Variants in ERLIN2 observed in about 807,000 individuals in gnomAD.
ERLIN2 encodes erlin-2.
In ERLIN2, 22 loss-of-function variants were observed where a neutral mutation model predicts 41.5. That is an observed-to-expected ratio of 0.53 (90% CI 0.38 to 0.76). The LOEUF (loss-of-function observed/expected upper bound fraction) is 0.76, where lower values mean the gene tolerates loss of function less well. ERLIN2 is among the 30% of genes least tolerant of loss of function. The pLI, the probability that ERLIN2 is intolerant of heterozygous loss-of-function variation, is 0.00. For synonymous variants in ERLIN2, 149 were observed against 150.9 expected (o/e 0.99, Z 0.09); for missense variants, 247 against 414.3 (o/e 0.60, Z 3.51).
chr8:37,737,073 C>T (rs746103240), intron 1 of ERLIN2: 16 of 785,860 alleles, frequency 2.0e-5, no homozygotes, highest in Non-Finnish European at 2.5e-5. Flanking sequence ...AGAATCCACG[C>T]CCTGCGCTCA....
At chr8:37,749,454 A>G (rs1554517306) in intron 6 of ERLIN2, 105 bp from the exon 7 acceptor site, 2 of 818,606 alleles carry the variant, frequency 2.4e-6, no homozygotes, top group South Asian at 1.4e-5. Context: ...CCCTTGGGAA[A>G]GTACATTCTT....
chr8:37,751,838 G>A (rs1264121852), intron 10 of ERLIN2, 123 bp downstream of exon 10: 5 of 769,882 alleles, frequency 6.5e-6, no homozygotes, highest in Non-Finnish European at 1.1e-5. Context: ...CTGTGCAACA[G>A]CAGCTTTTCT....
In ERLIN2 at chr8:37,741,104, A is replaced by G. The variant is rs1304544130; in HGVS notation, c.189+658A>G. On this transcript the variant is annotated intron_variant, in intron 3 of 11. Coordinates refer to ENST00000519638, the MANE Select transcript of ERLIN2 (RefSeq NM_007175.8). This position sits in a 1 kb window ranked among gnomAD's most constrained non-coding sequence, Gnocchi z 4.8. ...TTTGAGTCTTGTAGTAATCCTGAGA[A>G]TGGGCTGAGCATGTGCTAGGGTCTG... 6.6e-6 allele frequency among the ~76,000 whole-genome samples: 1 copy of G among 152,188 alleles called. No homozygotes were observed. The highest frequency in any genetic ancestry group is 1.5e-5 in the Non-Finnish European group (1 of 68,030).
Position 37,754,354 on chromosome 8 carries a change from G to T in ERLIN2, c.*239G>T. On this transcript the variant is annotated 3_prime_UTR_variant, in exon 12 of 12. Coordinates refer to ENST00000519638, the MANE Select transcript of ERLIN2 (RefSeq NM_007175.8). ...CTTCCAATAAGATTTGTAAATCATGGGCTTGACCTTTGACCTCTAGACACT... is the reference window on the plus strand; with the variant it reads ...CTTCCAATAAGATTTGTAAATCATGTGCTTGACCTTTGACCTCTAGACACT... 1.9e-6 allele frequency: 1 copy of T among 522,154 alleles called. No individual in the cohort carries two copies. The highest frequency in any genetic ancestry group is 3.5e-6 in the Non-Finnish European group (1 of 289,480). 32.3% of individuals were successfully genotyped at this position (522,154 alleles called of 1,614,324 possible).
Position 37,740,390 on chromosome 8 carries a change from A to G in ERLIN2, c.133A>G (p.Ser45Gly), listed in dbSNP as rs745591217. 3.1e-6 allele frequency: 5 copies of G among 1,612,746 alleles called. No individual in the cohort carries two copies. In the Admixed American group the frequency reaches 5.0e-5, roughly 16 times the overall value. Residue 45 changes from serine to glycine, a missense_variant, in exon 3 of 12, where the codon AGC becomes GGC. Ser to Gly is a moderately conservative substitution (Grantham distance 56). Coordinates refer to ENST00000519638, the MANE Select transcript of ERLIN2 (RefSeq NM_007175.8). ...AGGCGGTGCCCTGCTGACTTCGACCAGCGGCCCTGGTTTCCATCTCATGCT... is the reference window on the plus strand; with the variant it reads ...AGGCGGTGCCCTGCTGACTTCGACCGGCGGCCCTGGTTTCCATCTCATGCT... ...YRGGALLTST[S>G]GPGFHLMLPF...
chr8:37,752,684 G>T (rs1337267425), intron 10 of ERLIN2, among the ~76,000 whole-genome samples: 2 of 152,164 alleles, frequency 1.3e-5, no homozygotes, highest in Non-Finnish European at 2.9e-5. Context: ...ACTCACATGA[G>T]GCTGGCCCGT....
chr8:37,742,472 CAT>C (rs1802884925), intron 4 of ERLIN2, among the ~76,000 whole-genome samples: 1 of 141,922 alleles, frequency 7.0e-6, no homozygotes, highest in Admixed American at 7.4e-5. Flanking sequence ...ACTATGCAGC[CAT>C]AAAAAGGAAC....
chr8:37,747,325 A>G (rs1232646284), intron 6 of ERLIN2: 3 of 1,158,754 alleles, frequency 2.6e-6, no homozygotes, highest in Non-Finnish European at 3.9e-6. Context: ...GGGCTCAGAA[A>G]AAAAGCCTGG....
At chr8:37,751,826 C>G in intron 10 of ERLIN2, 111 bp downstream of exon 10, 1 of 807,414 alleles carries the variant, frequency 1.2e-6, no homozygotes, top group Non-Finnish European at 2.1e-6. Context: ...ATGTCATGAT[C>G]TCTGTGCAAC....
In ERLIN2 at chr8:37,756,830, T is replaced by A. The variant is rs994904167; in HGVS notation, c.*2715T>A. Reference sequence around the variant, plus strand: ...TAAATGGAACATCTATCAAAATAAGTAACTGTTTATAAAATTCAGTTTTTG... The same window carrying A: ...TAAATGGAACATCTATCAAAATAAGAAACTGTTTATAAAATTCAGTTTTTG... On this transcript the variant is annotated 3_prime_UTR_variant, in exon 12 of 12. Coordinates refer to ENST00000519638, the MANE Select transcript of ERLIN2 (RefSeq NM_007175.8). 1.3e-5 allele frequency: 2 copies of A among 152,678 alleles called. No homozygotes were observed. The highest frequency in any genetic ancestry group is 2.9e-5 in the Non-Finnish European group (2 of 68,030). 9.5% of individuals were successfully genotyped at this position (152,678 alleles called of 1,614,324 possible).
intron 6 of ERLIN2, among the ~76,000 whole-genome samples, chr8:37,748,467 G>A (rs1227884684): frequency 6.6e-6 from 1 of 152,154 alleles, no homozygotes. Context: ...AAACGTTACC[G>A]TCCCTTGTTT....
chr8:37,756,821 C>G lies in ERLIN2; in HGVS notation c.*2706C>G, dbSNP rs900614819. 7 of 152,538 alleles carry G rather than the reference C, an allele frequency of 4.6e-5. No homozygotes were observed. 9.4% of individuals were successfully genotyped at this position (152,538 alleles called of 1,614,324 possible). On this transcript the variant is annotated 3_prime_UTR_variant, in exon 12 of 12. Coordinates refer to ENST00000519638, the MANE Select transcript of ERLIN2 (RefSeq NM_007175.8). ...TGCTATTTATAAATGGAACATCTATCAAAATAAGTAACTGTTTATAAAATT... is the reference window on the plus strand; with the variant it reads ...TGCTATTTATAAATGGAACATCTATGAAAATAAGTAACTGTTTATAAAATT...
At chr8:37,753,099 C>T (rs563640449) in intron 10 of ERLIN2, among the ~76,000 whole-genome samples, 213 of 152,336 alleles carry the variant, frequency 1.4e-3, no homozygotes, top group Non-Finnish European at 2.2e-3. Flanking sequence ...CTGTGCTACA[C>T]AGACATGGAT....
At chr8:37,748,053 C>G (rs1803116743) in intron 6 of ERLIN2, 1 of 1,500,836 alleles carries the variant, frequency 6.7e-7, no homozygotes, top group African/African-American at 1.4e-5. Context: ...GAGGGTCGCG[C>G]CGAAATGACG....
intron 1 of ERLIN2, 162 bp downstream of exon 1, chr8:37,736,840 T>TG (rs1690449692): frequency 1.0e-6 from 1 of 985,766 alleles, no homozygotes; most frequent in Admixed American, 6.2e-5. Flanking sequence ...GTCCTCTCCT[T>TG]GCGAGCCGCA....
chr8:37,736,639 T>C lies in ERLIN2; in HGVS notation c.-55T>C, dbSNP rs1802650641. 2.6e-5 allele frequency: 26 copies of C among 985,986 alleles called. No individual in the cohort carries two copies. The highest frequency in any genetic ancestry group is 3.1e-5 in the Non-Finnish European group (26 of 830,230). The allele number at this position is 985,986 out of a possible 1,614,324, so 61.1% of individuals were successfully genotyped here. A position where few individuals can be genotyped will look rare whatever the true frequency, so the allele number is the denominator to read the frequency against. On this transcript the variant is annotated 5_prime_UTR_variant, in exon 1 of 12. Transcript: ENST00000519638. ...AGGGGTGTGACGGTTTTCTTGCTCGTGGGCTCGGACGAGTACGGAGCGCCT... is the reference window on the plus strand; with the variant it reads ...AGGGGTGTGACGGTTTTCTTGCTCGCGGGCTCGGACGAGTACGGAGCGCCT...
intron 6 of ERLIN2, 79 bp downstream of exon 6, chr8:37,744,775 G>C: frequency 6.6e-7 from 1 of 1,505,936 alleles, no homozygotes; most frequent in Non-Finnish European, 9.2e-7. Flanking sequence ...CTAAAGCCTG[G>C]CTGCCTGCAG....
In ERLIN2 at chr8:37,738,230, C is replaced by A. The variant is rs1802724165; in HGVS notation, c.107+201C>A. On this transcript the variant is annotated intron_variant, in intron 2 of 11. Coordinates refer to ENST00000519638, the MANE Select transcript of ERLIN2 (RefSeq NM_007175.8). ...ACATATATATGTAAATTTAGAACTT[C>A]ACTTAGTAGTCCAAGATGATGCCAT... Among the ~76,000 whole-genome samples, 4 of 152,208 alleles carry A rather than the reference C, an allele frequency of 2.6e-5. No individual in the cohort carries two copies. The South Asian group carries it at 8.3e-4, about 31-fold the overall frequency.
intron 6 of ERLIN2, chr8:37,745,901 G>T (rs1803030253): frequency 8.4e-7 from 1 of 1,195,528 alleles, no homozygotes; most frequent in South Asian, 2.4e-5. Flanking sequence ...TCTAGCCATT[G>T]TCTTAGGACT....
Sources: gnomAD v4.1 joint callset for allele counts (sites outside exome capture counted in the v4.1 genomes callset) on GRCh38, gnomAD v4.1.1 for gene constraint, Gnocchi (gnomAD v3.1) non-coding constraint, MANE v1.5 for transcripts, NCBI Gene and HGNC (gene_info 2026-07-23, HGNC 2026-07-21) for gene names.